The following WNT9B variants were observed in gnomAD, a reference collection of about 807,000 sequenced individuals.
The protein encoded by WNT9B is Wnt family member 9B, also known as protein Wnt-9b.
Under a neutral mutation model 30.2 loss-of-function variants are expected in WNT9B, and 12 were observed. The ratio of observed to expected loss-of-function variants is 0.40; its 90% CI spans 0.26 to 0.64. The LOEUF (loss-of-function observed/expected upper bound fraction) is 0.64. WNT9B is among the 30% of genes least tolerant of loss of function. The pLI is 0.42. For missense variants in WNT9B, 442 were observed against 485.2 expected (o/e 0.91, Z 0.84); for synonymous variants, 218 against 216.9 (o/e 1.01, Z -0.05).
intron 1 of WNT9B, among the ~76,000 whole-genome samples, chr17:46,860,322 C>T (rs1173407797): frequency 6.6e-6 from 1 of 152,140 alleles, no homozygotes; most frequent in Non-Finnish European, 1.5e-5. Context: ...GGATTATGTG[C>T]TCAGGTGGAA....
At chr17:46,856,200 A>G (rs1424439297) in intron 1 of WNT9B, among the ~76,000 whole-genome samples, 1 of 152,202 alleles carries the variant, frequency 6.6e-6, no homozygotes, top group Non-Finnish European at 1.5e-5. Context: ...TAACTGTGTG[A>G]CTTTAGACAA....
downstream of WNT9B, among the ~76,000 whole-genome samples, chr17:46,880,929 C>T (rs1034509528): frequency 2.0e-5 from 3 of 152,098 alleles, no homozygotes; most frequent in East Asian, 1.9e-4. Context: ...CAGGGTGGGG[C>T]GGGATGAAGC....
intron 1 of WNT9B, among the ~76,000 whole-genome samples, chr17:46,836,095 CGTGTGTGTGTGTGTGTGT>C (rs59862934): frequency 2.4e-5 from 3 of 126,502 alleles, no homozygotes; most frequent in Admixed American, 8.1e-5. Flanking sequence ...GAGACGCTGA[CGTGTGTGTGTGTGTGTGT>C]GTGTGTGTGT....
Position 46,873,084 on chromosome 17 carries a change from CTTCA to C in WNT9B, c.334+312_334+315del, listed in dbSNP as rs1250613555. ...GTCCCCCAGTTGTCTCCCTCTGCCT[CTTCA>C]CACACACACACACACACACACACAC... On this transcript the variant is annotated intron_variant, in intron 2 of 3. Coordinates refer to ENST00000290015, the MANE Select transcript of WNT9B (RefSeq NM_003396.3). 2.3e-4 allele frequency among the ~76,000 whole-genome samples: 28 copies of C among 119,504 alleles called. 1 individual carries two copies. The South Asian group carries it at 3.0e-3, about 13-fold the overall frequency. 78.4% of individuals were successfully genotyped at this position (119,504 alleles called of 152,430 possible).
In WNT9B at chr17:46,878,229, A is replaced by G. The variant is rs910537608; in HGVS notation, c.*1511A>G. Among the ~76,000 whole-genome samples the G allele has an allele frequency of 3.9e-5, 6 of 152,352 alleles. No homozygotes were observed. Among genetic ancestry groups the G allele is most frequent in the Admixed American group, 3.9e-4 (6 of 15,304 alleles). On this transcript the variant is annotated 3_prime_UTR_variant, in exon 4 of 4. Coordinates refer to ENST00000290015, the MANE Select transcript of WNT9B (RefSeq NM_003396.3). ...CCACTTTGCTGGCCCTGCCACGCCC[A>G]TCTGTCAGCTTCCTTTCTCCCTAAA...
At chr17:46,863,722 C>G (rs550301886) in intron 1 of WNT9B, among the ~76,000 whole-genome samples, 1 of 152,074 alleles carries the variant, frequency 6.6e-6, no homozygotes, top group Non-Finnish European at 1.5e-5. Context: ...GGGGTCGGAC[C>G]GAGTTAGACA....
chr17:46,881,974 A>G (rs541304024), downstream of WNT9B, among the ~76,000 whole-genome samples: 7 of 152,220 alleles, frequency 4.6e-5, no homozygotes, highest in Middle Eastern at 3.4e-3. Context: ...GACTTCCCCA[A>G]TTGTCCCTCA....
rs534267250 is a variant in WNT9B, at chr17:46,879,157, T to C, written c.*2439T>C. Among the ~76,000 whole-genome samples the C allele has an allele frequency of 6.6e-6, 1 of 152,368 alleles. No homozygotes were observed. Among genetic ancestry groups the C allele is most frequent in the Non-Finnish European group, 1.5e-5 (1 of 68,040 alleles). ...GATATATGAGAAAGTATTTATATTA[T>C]TTATATAGTTGCTATATTTCACAGA... On this transcript the variant is annotated 3_prime_UTR_variant, in exon 4 of 4. Transcript: ENST00000290015.
upstream of WNT9B, among the ~76,000 whole-genome samples, chr17:46,847,180 C>A (rs746272383): frequency 6.6e-6 from 1 of 152,218 alleles, no homozygotes; most frequent in East Asian, 1.9e-4. Flanking sequence ...TCCTTCTCTG[C>A]CCCCTTTTTT....
chr17:46,881,217 C>T (rs1320071259), downstream of WNT9B, among the ~76,000 whole-genome samples: 2 of 152,202 alleles, frequency 1.3e-5, no homozygotes, highest in Non-Finnish European at 2.9e-5. Context: ...ATTGCCTTAA[C>T]TGGGCTCCCC....
At chr17:46,870,795 A>C in intron 1 of WNT9B, among the ~76,000 whole-genome samples, 1 of 150,430 alleles carries the variant, frequency 6.6e-6, no homozygotes, top group African/African-American at 2.5e-5. Context: ...TTCTCTGACC[A>C]CTCCTGGCTT....
upstream of WNT9B, chr17:46,851,502 G>A (rs1412615363): frequency 2.3e-4 from 88 of 385,962 alleles, no homozygotes; most frequent in East Asian, 3.7e-3. The surrounding 1 kb of genome is among the most constrained non-coding windows in gnomAD (Gnocchi z 4.3). Context: ...CGGGGCTGGG[G>A]AGCCTCCCAA....
rs767430205 is a variant in WNT9B at position 46,876,460 on chromosome 17, A to G, written c.816A>G (p.Lys272=). The change falls in exon 4 of 4, where the codon AAA becomes AAG. Residue 272 remains lysine, a synonymous_variant. Coordinates refer to ENST00000290015, the MANE Select transcript of WNT9B (RefSeq NM_003396.3). ...WAPARQGSLT[K]GLAPRSGDLV... ...CTGCCAGGCAGGGCAGCCTCACCAA[A>G]GGCCTGGCCCCAAGGTCTGGGGACC... The G allele has an allele frequency of 1.9e-6, 3 of 1,613,690 alleles. No homozygotes were observed. The highest frequency in any genetic ancestry group is 3.3e-5 in the Admixed American group (2 of 60,026).
upstream of WNT9B, among the ~76,000 whole-genome samples, chr17:46,847,818 G>A (rs532227531): frequency 1.3e-5 from 2 of 152,332 alleles, no homozygotes; most frequent in African/African-American, 2.4e-5. Flanking sequence ...AACCAAAGGC[G>A]GATGGTTCCT....
chr17:46,874,963 C>A, intron 2 of WNT9B, 138 bp from the exon 3 acceptor site: 1 of 1,366,572 alleles, frequency 7.3e-7, no homozygotes, highest in Non-Finnish European at 1.0e-6. Flanking sequence ...GTCCTCAAGC[C>A]ACATTCTCTT....
At chr17:46,850,206 T>G (rs1448667697), upstream of WNT9B, among the ~76,000 whole-genome samples, 1 of 152,232 alleles carries the variant, frequency 6.6e-6, no homozygotes, top group African/African-American at 2.4e-5. Context: ...ATCATCCATA[T>G]TTCATATGGG....
intron 1 of WNT9B, among the ~76,000 whole-genome samples, chr17:46,866,737 A>T (rs1276773753): frequency 2.6e-5 from 4 of 152,086 alleles, no homozygotes; most frequent in African/African-American, 9.7e-5. Context: ...AAGAGTCCAG[A>T]CACACTGGCA....
rs1302522388 is a variant in WNT9B at position 46,879,286 on chromosome 17, AAGG to A, written c.*2573_*2575del. Among the ~76,000 whole-genome samples the A allele has an allele frequency of 6.6e-6, 1 of 152,096 alleles. No homozygotes were observed. Among genetic ancestry groups the A allele is most frequent in the African/African-American group, 2.4e-5 (1 of 41,416 alleles). ...CTGAGCAGGAGGCCGGGTCGCTGGG[AAGG>A]AGGACAAACCTGTATTCCATGACTG... On this transcript the variant is annotated 3_prime_UTR_variant, in exon 4 of 4. Transcript: ENST00000290015.
In WNT9B at chr17:46,851,757, T is replaced by G; in HGVS notation, c.77+42T>G. Reference sequence around the variant, plus strand: ...CCCCCCGCCCGCTCCCCGGCCTGCCTGTCTCTCCCTCCTGCGCTACAGCTG... The same window carrying G: ...CCCCCCGCCCGCTCCCCGGCCTGCCGGTCTCTCCCTCCTGCGCTACAGCTG... On this transcript the variant is annotated intron_variant, in intron 1 of 3. Transcript: ENST00000290015. The surrounding 1 kb of genome is among the most constrained non-coding windows in gnomAD (Gnocchi z 4.3). The G allele has an allele frequency of 9.6e-7, 1 of 1,038,538 alleles. No individual in the cohort carries two copies. The allele number at this position is 1,038,538 out of a possible 1,614,324, so 64.3% of individuals were successfully genotyped here.
Sources: gnomAD v4.1 joint callset for allele counts (sites outside exome capture counted in the v4.1 genomes callset) on GRCh38, gnomAD v4.1.1 for gene constraint, Gnocchi (gnomAD v3.1) non-coding constraint, MANE v1.5 for transcripts, NCBI Gene and HGNC (gene_info 2026-07-23, HGNC 2026-07-21) for gene names.